KHNYN: variants seen among roughly 807,000 people sequenced by gnomAD.
The protein encoded by KHNYN is protein KHNYN.
Under a neutral mutation model 62.7 loss-of-function variants are expected in KHNYN, and 42 were observed. The observed-to-expected ratio is 0.67, with a 90% CI of 0.52 to 0.87. The LOEUF is 0.87. KHNYN is among the 40% of genes least tolerant of loss of function. The probability of loss-of-function intolerance (pLI) is 0.00; values close to 1 mark genes in which losing one functional copy is unlikely to be tolerated. For synonymous variants in KHNYN, 347 were observed against 345.6 expected, an observed-to-expected ratio of 1.00 and a Z score of -0.04; for missense variants, 829 against 874.1, an observed-to-expected ratio of 0.95 and a Z score of 0.65.
At chr14:24,426,596 C>A (rs1157004057), upstream of KHNYN, 1 of 152,178 alleles carries the variant, frequency 6.6e-6, no homozygotes, top group East Asian at 1.9e-4. Flanking sequence ...CCTACTTGTA[C>A]CTGTAACACC....
upstream of KHNYN, chr14:24,428,200 A>G: frequency 1.9e-6 from 3 of 1,549,412 alleles, no homozygotes; most frequent in South Asian, 1.2e-5. Context: ...AGGTCAATGG[A>G]GAGTCCACCC....
chr14:24,429,020 G>C, upstream of KHNYN: 1 of 1,529,212 alleles, frequency 6.5e-7, no homozygotes, highest in Non-Finnish European at 8.8e-7. Flanking sequence ...ACTGTGTAGG[G>C]GACCTGGTAG....
chr14:24,436,314 T>C (rs2043203516), intron 6 of KHNYN, 74 bp from the exon 7 acceptor site: 2 of 1,449,124 alleles, frequency 1.4e-6, no homozygotes, highest in Non-Finnish European at 1.9e-6. Context: ...CAGCTTCTGG[T>C]GATACTGGTC....
At position 24,430,804 on chromosome 14, in the gene KHNYN, G is replaced by A. The variant is rs991425767; in HGVS notation, c.74G>A (p.Arg25Gln). The A allele has an allele frequency of 1.2e-6, 2 of 1,610,628 alleles. No homozygotes were observed. The highest frequency in any genetic ancestry group is 1.1e-5 in the South Asian group (1 of 90,292). Residue 25 changes from arginine (R) to glutamine (Q), a missense_variant, in exon 2 of 8, where the codon CGG (arginine) becomes CAG (glutamine). Transcript: ENST00000553935. Reference protein sequence around the residue: ...AVSAEAENKVREQQPHVERIF... With the variant: ...AVSAEAENKVQEQQPHVERIF... The stretch of plus-strand genomic sequence containing the variant: ...TCTGCGGAGGCTGAGAACAAGGTTC[G>A]GGAACAGCAGCCCCATGTGGAGCGC...
chr14:24,432,625 G>T lies in KHNYN; in HGVS notation c.1349+15G>T. ...GTGGCCATGGTGTGAGTACCTGGTG[G>T]GGCTAAGGGCCTAGGAGAGGGAGGA... On this transcript the variant is annotated intron_variant, in intron 3 of 7. Coordinates refer to ENST00000553935, the MANE Select transcript of KHNYN (RefSeq NM_015299.3). The surrounding 1 kb of genome is among the most constrained non-coding windows in gnomAD (Gnocchi z 5.6). The T allele has an allele frequency of 1.9e-6, 3 of 1,607,166 alleles. No homozygotes were observed. Among genetic ancestry groups the T allele is most frequent in the Non-Finnish European group, 2.6e-6 (3 of 1,174,976 alleles).
At position 24,439,558 on chromosome 14, in the gene KHNYN, C is replaced by T. The variant is rs1270330154; in HGVS notation, c.*2273C>T. ...GGCCCATTGGAAATGGATCATCATT[C>T]TCTCTTCTAGTGTCTATCTTTATCA... is the stretch of plus-strand genomic sequence containing the variant. On this transcript the variant is annotated 3_prime_UTR_variant, in exon 8 of 8. Transcript: ENST00000553935. 4 of 152,478 alleles carry T rather than the reference C, an allele frequency of 2.6e-5. No homozygotes were observed. Among genetic ancestry groups the T allele is most frequent in the Admixed American group, 2.6e-4 (4 of 15,296 alleles). 9.4% of individuals were successfully genotyped at this position (152,478 alleles called of 1,614,324 possible).
At chr14:24,434,178 G>A (rs1354153086) in intron 5 of KHNYN, 21 of 985,158 alleles carry the variant, frequency 2.1e-5, no homozygotes, top group East Asian at 1.1e-4. Flanking sequence ...GATTGAGTTC[G>A]TTTTAATGAA....
At chr14:24,428,878 G>T (rs768914584), upstream of KHNYN, 2 of 1,601,976 alleles carry the variant, frequency 1.2e-6, no homozygotes, top group East Asian at 2.3e-5. Context: ...CTGCTCCCCC[G>T]GGCCCCCCTG....
chr14:24,438,919 A>C lies in KHNYN; in HGVS notation c.*1634A>C, dbSNP rs1170361463. 1 of 152,122 alleles carries C rather than the reference A, an allele frequency of 6.6e-6. No individual in the cohort carries two copies. Among genetic ancestry groups the C allele is most frequent in the Non-Finnish European group, 1.5e-5 (1 of 68,054 alleles). 9.4% of individuals were successfully genotyped at this position (152,122 alleles called of 1,614,324 possible). On this transcript the variant is annotated 3_prime_UTR_variant, in exon 8 of 8. Coordinates refer to ENST00000553935, the MANE Select transcript of KHNYN (RefSeq NM_015299.3). ...AGTTGAATACTGCATGGCGAGTGTA[A>C]TGATGATGGGGAGGGTCCTTGTGTC...
upstream of KHNYN, chr14:24,427,363 C>T (rs796388144): frequency 2.1e-5 from 4 of 190,552 alleles, no homozygotes; most frequent in African/African-American, 9.5e-5. This position sits in a 1 kb window ranked among gnomAD's most constrained non-coding sequence, Gnocchi z 4.4. Context: ...AGGAAGAAGC[C>T]TGCAGGGTAC....
intron 5 of KHNYN, chr14:24,434,336 T>C (rs1425898865): frequency 1.0e-6 from 1 of 985,114 alleles, no homozygotes; most frequent in Non-Finnish European, 1.2e-6. Context: ...ACATACTGTG[T>C]AATGCGATCA....
chr14:24,428,967 C>G, upstream of KHNYN: 2 of 1,551,380 alleles, frequency 1.3e-6, no homozygotes, highest in South Asian at 2.4e-5. Context: ...TGGGCCCACC[C>G]GGCCCCCAGG....
the KHNYN span, among the ~76,000 whole-genome samples, chr14:24,423,271 C>T: frequency 7.2e-5 from 11 of 152,162 alleles, no homozygotes; most frequent in Non-Finnish European, 1.6e-4. Context: ...ACTTCCATGC[C>T]TATCTTCTCT....
chr14:24,428,345 G>A (rs368781428), upstream of KHNYN: 23 of 1,613,834 alleles, frequency 1.4e-5, no homozygotes, highest in African/African-American at 1.6e-4. Flanking sequence ...TAGACACCCC[G>A]GACAGGGGCT....
rs764700184 is a variant in KHNYN at position 24,440,863 on chromosome 14, AAGTC to A, written c.*3580_*3583del. Reference sequence around the variant, plus strand: ...CCATTTGGTTACGAGGTTGGAGAAAAAGTCAAAGTCCCCTCCTGGGCTGTCTTCA... The same window carrying A: ...CCATTTGGTTACGAGGTTGGAGAAAAAAAGTCCCCTCCTGGGCTGTCTTCA... On this transcript the variant is annotated 3_prime_UTR_variant, in exon 8 of 8. Coordinates refer to ENST00000553935, the MANE Select transcript of KHNYN (RefSeq NM_015299.3). The A allele has an allele frequency of 6.2e-6, 10 of 1,613,818 alleles. No homozygotes were observed. Among genetic ancestry groups the A allele is most frequent in the African/African-American group, 4.0e-5 (3 of 74,904 alleles).
upstream of KHNYN, chr14:24,428,970 C>T: frequency 6.4e-7 from 1 of 1,551,010 alleles, no homozygotes; most frequent in Non-Finnish European, 8.7e-7. Flanking sequence ...GCCCACCCGG[C>T]CCCCAGGGCC....
upstream of KHNYN, chr14:24,427,665 C>T (rs2043033153): frequency 2.3e-6 from 2 of 877,152 alleles, no homozygotes; most frequent in Admixed American, 2.0e-5. This position sits in a 1 kb window ranked among gnomAD's most constrained non-coding sequence, Gnocchi z 4.4. Flanking sequence ...GCACAGGGTC[C>T]CATGCAAAGA....
chr14:24,436,313 G>A (rs1174420969), intron 6 of KHNYN, 75 bp from the exon 7 acceptor site: 20 of 1,445,212 alleles, frequency 1.4e-5, no homozygotes, highest in Admixed American at 8.6e-5. Flanking sequence ...GCAGCTTCTG[G>A]TGATACTGGT....
At chr14:24,433,896 G>A (rs2043165388) in intron 5 of KHNYN, among the ~76,000 whole-genome samples, 1 of 152,180 alleles carries the variant, frequency 6.6e-6, no homozygotes, top group Non-Finnish European at 1.5e-5. Context: ...TGAGAAATGA[G>A]CAGATTTTAG....
Sources: gnomAD v4.1 joint callset for allele counts (sites outside exome capture counted in the v4.1 genomes callset) on GRCh38, gnomAD v4.1.1 for gene constraint, Gnocchi (gnomAD v3.1) non-coding constraint, MANE v1.5 for transcripts, NCBI Gene and HGNC (gene_info 2026-07-23, HGNC 2026-07-21) for gene names.